UNC50: variants seen among roughly 807,000 people sequenced by gnomAD.
The protein encoded by UNC50 is unc-50 inner nuclear membrane RNA binding protein, also known as protein unc-50 homolog.
A neutral mutation model predicts 31.5 loss-of-function variants in UNC50; 24 were observed. That is an observed-to-expected ratio of 0.76 (90% CI 0.55 to 1.07). UNC50 has a LOEUF of 1.07. Among genes scored for constraint, UNC50 ranks in the 50% least tolerant of loss-of-function variants. The probability of loss-of-function intolerance (pLI) is 0.00; values close to 1 mark genes in which losing one functional copy is unlikely to be tolerated. For missense variants in UNC50, 245 were observed against 304.2 expected (o/e 0.81, Z 1.45); for synonymous variants, 118 against 114.7 (o/e 1.03, Z -0.18).
intron 5 of UNC50, among the ~76,000 whole-genome samples, chr2:98,617,637 A>ATATT (rs1553533909): frequency 2.6e-5 from 4 of 152,204 alleles, no homozygotes; most frequent in Admixed American, 6.5e-5. Context: ...AGAAACATCA[A>ATATT]TATTTGGAGC....
rs1437996729 is a variant in UNC50, at chr2:98,616,519, T to C, written c.629T>C (p.Phe210Ser). The change falls in exon 5 of 6, where the codon TTC (phenylalanine) becomes TCC (serine). Residue 210 changes from phenylalanine to serine, a missense_variant. Transcript: ENST00000357765. ...VAVGYYIYVT[F>S]LGYSALPFLK... ...GTTGGCTATTATATCTATGTAACTT[T>C]CCTGGGATACAGTGGTAAGTAATTT... The C allele has an allele frequency of 1.2e-6, 2 of 1,613,262 alleles. No individual in the cohort carries two copies. Among genetic ancestry groups the C allele is most frequent in the Admixed American group, 3.3e-5 (2 of 59,974 alleles).
chr2:98,618,375 T>C lies in UNC50; in HGVS notation c.*71T>C. 6.9e-7 allele frequency: 1 copy of C among 1,455,330 alleles called. No individual in the cohort carries two copies. The highest frequency in any genetic ancestry group is 9.1e-7 in the Non-Finnish European group (1 of 1,094,868). 90.2% of individuals were successfully genotyped at this position (1,455,330 alleles called of 1,614,324 possible). ...AAGTGATCATTTCTTGTAAAACTTGTAAATAAACTATCATCTTTGTAGATA... is the reference window on the plus strand; with the variant it reads ...AAGTGATCATTTCTTGTAAAACTTGCAAATAAACTATCATCTTTGTAGATA... On this transcript the variant is annotated 3_prime_UTR_variant, in exon 6 of 6. Coordinates refer to ENST00000357765, the MANE Select transcript of UNC50 (RefSeq NM_014044.7).
rs1321118420 is a variant in UNC50 at position 98,617,355 on chromosome 2, C to G, written c.644-813C>G. Among the ~76,000 whole-genome samples, 5 of 152,308 alleles carry G rather than the reference C, an allele frequency of 3.3e-5. No homozygotes were observed. The East Asian group carries it at 9.6e-4, about 29-fold the overall frequency. On this transcript the variant is annotated intron_variant, in intron 5 of 5. Transcript: ENST00000357765. ...CCCTTGGCTGGTTTGTCAGGGAACA[C>G]TTAACCCCTTCATTGTAATGCCTTG... is the stretch of plus-strand genomic sequence containing the variant.
intron 2 of UNC50, 135 bp from the exon 3 acceptor site, chr2:98,610,640 G>T (rs1157497623): frequency 2.6e-6 from 3 of 1,137,184 alleles, no homozygotes; most frequent in East Asian, 5.0e-5. Context: ...CCAAGGTAGT[G>T]TTCACACATC....
chr2:98,614,377 T>G lies in UNC50; in HGVS notation c.402-1830T>G, dbSNP rs527639873. On this transcript the variant is annotated intron_variant, in intron 3 of 5. Transcript: ENST00000357765. ...GCTCCTTTGGGATGACCTGTAAGAT[T>G]TTGGCTTAGATGACTGAGGAAGCAG... is the stretch of plus-strand genomic sequence containing the variant. Among the ~76,000 whole-genome samples the G allele has an allele frequency of 2.0e-5, 3 of 152,022 alleles. No individual in the cohort carries two copies. The South Asian group carries it at 6.2e-4, about 32-fold the overall frequency.
intron 3 of UNC50, among the ~76,000 whole-genome samples, chr2:98,615,518 C>T (rs541988087): frequency 1.3e-5 from 2 of 152,294 alleles, no homozygotes; most frequent in South Asian, 2.1e-4. Flanking sequence ...TTTTCTCATA[C>T]TCCAATCCAA....
chr2:98,617,208 C>G (rs1325719342), intron 5 of UNC50, among the ~76,000 whole-genome samples: 3 of 152,184 alleles, frequency 2.0e-5, no homozygotes, highest in Non-Finnish European at 4.4e-5. Flanking sequence ...AATCTAGAGA[C>G]TGCGCTGTAC....
intron 3 of UNC50, among the ~76,000 whole-genome samples, chr2:98,611,977 G>GC (rs1055117894): frequency 8.6e-5 from 6 of 69,762 alleles, no homozygotes; most frequent in Non-Finnish European, 1.5e-4. Flanking sequence ...CGCCCCCCCC[G>GC]CCCCCCCACC....
intron 2 of UNC50, 98 bp downstream of exon 2, chr2:98,610,137 A>G: frequency 7.8e-7 from 1 of 1,276,242 alleles, no homozygotes; most frequent in Non-Finnish European, 1.1e-6. Context: ...AAATATTGGA[A>G]ACTATTTCTC....
At position 98,609,922 on chromosome 2, in the gene UNC50, T is replaced by C; in HGVS notation, c.163T>C (p.Tyr55His). 2 of 1,614,232 alleles carry C rather than the reference T, an allele frequency of 1.2e-6. No individual in the cohort carries two copies. The highest frequency in any genetic ancestry group is 8.5e-7 in the Non-Finnish European group (1 of 1,180,048). ...DFEFAAWQMLYLFTSPQRVYR... is the reference protein window; with the variant it reads ...DFEFAAWQMLHLFTSPQRVYR... ...TGAATTTGCTGCCTGGCAGATGCTC[T>C]ACCTGTTCACATCCCCACAGAGAGT... Residue 55 changes from tyrosine (Y) to histidine (H), a missense_variant, in exon 2 of 6, where the codon TAC (tyrosine) becomes CAC (histidine). Coordinates refer to ENST00000357765, the MANE Select transcript of UNC50 (RefSeq NM_014044.7).
chr2:98,618,106 T>C, intron 5 of UNC50, 62 bp from the exon 6 acceptor site: 1 of 1,434,572 alleles, frequency 7.0e-7, no homozygotes, highest in South Asian at 1.4e-5. Flanking sequence ...TTCAAAATGT[T>C]CATTTATTAG....
rs1017970636 is a variant in UNC50 at position 98,618,081 on chromosome 2, T to TGAA, written c.644-85_644-83dup. ...ATGCATTCCCTTCCACCCCACATGTTGAAGTAAGCTGTCTTTCAAAATGTT... is the reference window on the plus strand; with the variant it reads ...ATGCATTCCCTTCCACCCCACATGTTGAAGAAGTAAGCTGTCTTTCAAAATGTT... On this transcript the variant is annotated intron_variant, in intron 5 of 5. Transcript: ENST00000357765. 1.5e-4 allele frequency: 195 copies of TGAA among 1,338,348 alleles called. No individual in the cohort carries two copies. The East Asian group carries it at 4.7e-3, about 32-fold the overall frequency. The allele number at this position is 1,338,348 out of a possible 1,614,324, so 82.9% of individuals were successfully genotyped here.
Position 98,610,122 on chromosome 2 carries a change from T to G in UNC50, c.280+83T>G, listed in dbSNP as rs1019761433. On this transcript the variant is annotated intron_variant, in intron 2 of 5. Coordinates refer to ENST00000357765, the MANE Select transcript of UNC50 (RefSeq NM_014044.7). ...GTTATAAATGTGTTGTGGGTCAGAA[T>G]CTGGAAATATTGGAAACTATTTCTC... 3.7e-6 allele frequency: 5 copies of G among 1,369,646 alleles called. No homozygotes were observed. In the African/African-American group the frequency reaches 5.8e-5, roughly 16 times the overall value. 84.8% of individuals were successfully genotyped at this position (1,369,646 alleles called of 1,614,324 possible).
chr2:98,618,118 C>T (rs915733275), intron 5 of UNC50, 50 bp from the exon 6 acceptor site: 1 of 1,290,046 alleles, frequency 7.8e-7, no homozygotes, highest in South Asian at 1.5e-5. Flanking sequence ...ATTTATTAGT[C>T]ATTTATTTTT....
chr2:98,613,292 G>A (rs1559148401), intron 3 of UNC50, among the ~76,000 whole-genome samples: 1 of 152,348 alleles, frequency 6.6e-6, no homozygotes, highest in Middle Eastern at 3.4e-3. Flanking sequence ...CAAAGGAATA[G>A]TTTCATTCAT....
At chr2:98,616,391 G>C (rs116039421) in intron 4 of UNC50, 41 bp from the exon 5 acceptor site, 1 of 1,613,692 alleles carries the variant, frequency 6.2e-7, no homozygotes, top group Non-Finnish European at 8.5e-7. Flanking sequence ...TTCATTGCAT[G>C]CATTGGTAAA....
rs189238910 is a variant in UNC50 at position 98,611,153 on chromosome 2, C to T, written c.401+258C>T. Among the ~76,000 whole-genome samples, 13 of 152,312 alleles carry T rather than the reference C, an allele frequency of 8.5e-5. 1 individual carries two copies. The South Asian group carries it at 2.5e-3, about 29-fold the overall frequency. Reference sequence around the variant, plus strand: ...GTTTTGAACCCAAAATATCTGAGATCGGTCTCAATTTAGAAAGTTTAGTTT... The same window carrying T: ...GTTTTGAACCCAAAATATCTGAGATTGGTCTCAATTTAGAAAGTTTAGTTT... On this transcript the variant is annotated intron_variant, in intron 3 of 5. Transcript: ENST00000357765.
chr2:98,611,655 T>G (rs960097181), intron 3 of UNC50, among the ~76,000 whole-genome samples: 1 of 152,180 alleles, frequency 6.6e-6, no homozygotes, highest in East Asian at 1.9e-4. Flanking sequence ...CTTAGTGATT[T>G]TGGGGTCCCG....
At chr2:98,608,958 T>C (rs1700764994) in intron 1 of UNC50, 1 of 189,688 alleles carries the variant, frequency 5.3e-6, no homozygotes, top group Admixed American at 5.9e-5. Context: ...TTGCGTGGGA[T>C]GTAGGCATAC....
Sources: allele counts gnomAD v4.1 joint callset (sites outside exome capture counted in the v4.1 genomes callset), GRCh38; gene constraint gnomAD v4.1.1; transcripts MANE v1.5; gene names NCBI Gene and HGNC (gene_info 2026-07-23, HGNC 2026-07-21).